ST18: variants seen among roughly 807,000 people sequenced by gnomAD.
ST18 encodes the protein ST18 C2H2C-type zinc finger transcription factor.
ST18 carries 50 observed loss-of-function variants against 110.0 expected under a neutral mutation model. The observed-to-expected ratio is 0.45, with a 90% CI of 0.36 to 0.58. ST18 has a LOEUF of 0.58. ST18 is among the 20% of genes least tolerant of loss of function. The probability of loss-of-function intolerance (pLI) is 0.00; values close to 1 mark genes in which losing one functional copy is unlikely to be tolerated. For missense variants in ST18, 1,306 were observed against 1,280.1 expected (o/e 1.02, Z -0.31); for synonymous variants, 461 against 452.4 (o/e 1.02, Z -0.24).
intron 2 of ST18, among the ~76,000 whole-genome samples, chr8:52,270,530 C>A (rs1383073747): frequency 6.6e-6 from 1 of 152,156 alleles, no homozygotes; most frequent in Non-Finnish European, 1.5e-5. Flanking sequence ...ATCTTTAAAA[C>A]CTACTCATCT....
intron 8 of ST18, among the ~76,000 whole-genome samples, chr8:52,208,816 A>C (rs944115620): frequency 4.6e-5 from 7 of 151,336 alleles, no homozygotes; most frequent in Non-Finnish European, 1.0e-4. Flanking sequence ...AGGCTTCGCC[A>C]AAATAAATAA....
At chr8:52,388,942 G>A (rs1301986169) in intron 2 of ST18, among the ~76,000 whole-genome samples, 1 of 146,280 alleles carries the variant, frequency 6.8e-6, no homozygotes, top group Non-Finnish European at 1.5e-5. Flanking sequence ...TTGTGCACAT[G>A]TACCCTAAAA....
chr8:52,368,123 A>C (rs996434405), intron 2 of ST18, among the ~76,000 whole-genome samples: 2 of 152,100 alleles, frequency 1.3e-5, no homozygotes, highest in African/African-American at 4.8e-5. Flanking sequence ...TGGGGGAAAA[A>C]TTCTAACAAG....
At chr8:52,218,783 C>T (rs990560198) in intron 5 of ST18, among the ~76,000 whole-genome samples, 4 of 151,978 alleles carry the variant, frequency 2.6e-5, no homozygotes, top group African/African-American at 9.7e-5. Context: ...GTGCTCATCG[C>T]CTGAGATTTT....
chr8:52,111,791 C>G lies in ST18; in HGVS notation c.*1407G>C, dbSNP rs2040606193. ...AGGCAGTTTAGCTGGTTGTCTATACCTTTTCCTTAAAAAAAATAAATATAA... is the reference window on the plus strand; with the variant it reads ...AGGCAGTTTAGCTGGTTGTCTATACGTTTTCCTTAAAAAAAATAAATATAA... On this transcript the variant is annotated 3_prime_UTR_variant, in exon 26 of 26. Coordinates refer to ENST00000689386, the MANE Select transcript of ST18 (RefSeq NM_001352837.2). The G allele has an allele frequency of 6.6e-6, 1 of 152,540 alleles. No individual in the cohort carries two copies. The highest frequency in any genetic ancestry group is 1.5e-5 in the Non-Finnish European group (1 of 68,016). The allele number at this position is 152,540 out of a possible 1,614,324, so 9.4% of individuals were successfully genotyped here. A position where few individuals can be genotyped will look rare whatever the true frequency, so the allele number is the denominator to read the frequency against.
chr8:52,235,928 A>G (rs2137227975), intron 2 of ST18, among the ~76,000 whole-genome samples: 1 of 152,354 alleles, frequency 6.6e-6, no homozygotes, highest in East Asian at 1.9e-4. Context: ...TGTCAAAAGA[A>G]AATACTAAAC....
intron 22 of ST18, 87 bp downstream of exon 22, chr8:52,131,871 G>A: frequency 8.0e-7 from 1 of 1,246,192 alleles, no homozygotes. Flanking sequence ...ACAACCTTTA[G>A]GGGGTTGTTC....
intron 18 of ST18, among the ~76,000 whole-genome samples, chr8:52,136,934 C>T (rs1458584828): frequency 6.6e-6 from 1 of 152,164 alleles, no homozygotes; most frequent in Non-Finnish European, 1.5e-5. Context: ...AATGATCACC[C>T]ACACACAGAG....
chr8:52,342,358 G>T (rs1815477706), intron 2 of ST18, among the ~76,000 whole-genome samples: 1 of 97,844 alleles, frequency 1.0e-5, no homozygotes, highest in Non-Finnish European at 2.0e-5. Context: ...TCTTATATAT[G>T]ACTCCATATA....
rs1020509141 is a variant in ST18, at chr8:52,180,450, A to T, written c.87-138T>A. ...TAGGGTTGGTTACTGGCACTAACAA[A>T]AACATCCCATCTGTGGACTCCACTG... On this transcript the variant is annotated intron_variant, in intron 8 of 25. Coordinates refer to ENST00000689386, the MANE Select transcript of ST18 (RefSeq NM_001352837.2). 4 of 822,192 alleles carry T rather than the reference A, an allele frequency of 4.9e-6. No individual in the cohort carries two copies. In the South Asian group the frequency reaches 7.0e-5, roughly 14 times the overall value. 50.9% of individuals were successfully genotyped at this position (822,192 alleles called of 1,614,324 possible). A position where few individuals can be genotyped will look rare whatever the true frequency, so the allele number is the denominator to read the frequency against.
chr8:52,340,185 G>A lies in ST18; in HGVS notation c.-465+69143C>T, dbSNP rs1564530081. On this transcript the variant is annotated intron_variant, in intron 2 of 25. Coordinates refer to ENST00000689386, the MANE Select transcript of ST18 (RefSeq NM_001352837.2). ...CAGCCAGGGTGTGGCTATTCAGCCA[G>A]ACCCTGAGCCTCAACTCTAAGAAAG... 2.0e-5 allele frequency among the ~76,000 whole-genome samples: 3 copies of A among 152,390 alleles called. No homozygotes were observed. The East Asian group carries it at 5.8e-4, about 29-fold the overall frequency.
At chr8:52,121,270 G>A (rs2044695100) in intron 23 of ST18, among the ~76,000 whole-genome samples, 1 of 152,140 alleles carries the variant, frequency 6.6e-6, no homozygotes, top group African/African-American at 2.4e-5. Flanking sequence ...CATAAGATGA[G>A]ATCTCAAAAA....
chr8:52,374,404 C>G (rs1455893554), intron 2 of ST18, among the ~76,000 whole-genome samples: 2 of 152,106 alleles, frequency 1.3e-5, no homozygotes, highest in Non-Finnish European at 2.9e-5. Flanking sequence ...GGAACACACT[C>G]CCTCGGAGCC....
At chr8:52,200,104 A>G (rs980044404) in intron 8 of ST18, among the ~76,000 whole-genome samples, 1 of 152,156 alleles carries the variant, frequency 6.6e-6, no homozygotes, top group Non-Finnish European at 1.5e-5. Context: ...TAGCTCCTAT[A>G]ATGTGGCAGG....
chr8:52,369,011 CCTTCG>C (rs1829245219), intron 2 of ST18, among the ~76,000 whole-genome samples: 1 of 152,056 alleles, frequency 6.6e-6, no homozygotes, highest in Non-Finnish European at 1.5e-5. Flanking sequence ...GAAAGTCAGT[CCTTCG>C]CTTGACAACC....
At chr8:52,184,338 C>A (rs1021708972) in intron 8 of ST18, among the ~76,000 whole-genome samples, 2 of 152,156 alleles carry the variant, frequency 1.3e-5, no homozygotes, top group Non-Finnish European at 2.9e-5. Flanking sequence ...TTTATCAATG[C>A]AGCAAATATC....
intron 2 of ST18, among the ~76,000 whole-genome samples, chr8:52,250,461 A>AAAAAAAAAAAAAAAAAAAAC (rs2094207024): frequency 6.7e-6 from 1 of 149,126 alleles, no homozygotes; most frequent in Non-Finnish European, 1.5e-5. Flanking sequence ...AAAAAAAAAA[A>AAAAAAAAAAAAAAAAAAAAC]AAAAAAAAAA....
At chr8:52,294,106 G>A (rs2095596413) in intron 2 of ST18, among the ~76,000 whole-genome samples, 2 of 152,196 alleles carry the variant, frequency 1.3e-5, no homozygotes, top group Admixed American at 1.3e-4. Flanking sequence ...GTGAATTTCA[G>A]TGCAGTGCTA....
intron 2 of ST18, among the ~76,000 whole-genome samples, chr8:52,237,388 T>C (rs2092827499): frequency 6.6e-6 from 1 of 152,230 alleles, no homozygotes. Context: ...TAGATACTAT[T>C]ATAAATGCTT....
Sources: allele counts gnomAD v4.1 joint callset (sites outside exome capture counted in the v4.1 genomes callset), GRCh38; gene constraint gnomAD v4.1.1; transcripts MANE v1.5; gene names NCBI Gene and HGNC (gene_info 2026-07-23, HGNC 2026-07-21).